TIGAR: variants seen among roughly 807,000 people sequenced by gnomAD.
The protein encoded by TIGAR is fructose-2,6-bisphosphatase TIGAR.
In TIGAR, 7 loss-of-function variants were observed where a neutral mutation model predicts 17.9. That is an observed-to-expected ratio of 0.39 (90% confidence interval 0.22 to 0.73). The LOEUF is 0.73. Among genes scored for constraint, TIGAR ranks in the 30% least tolerant of loss-of-function variants. TIGAR has a pLI of 0.42. For synonymous variants in TIGAR, 94 were observed against 108.6 expected, an observed-to-expected ratio of 0.87 and a Z score of 0.84; for missense variants, 258 against 327.4, an observed-to-expected ratio of 0.79 and a Z score of 1.64.
intron 3 of TIGAR, among the ~76,000 whole-genome samples, chr12:4,346,789 CAT>C (rs1436719350): frequency 2.6e-5 from 4 of 151,756 alleles, no homozygotes; most frequent in Admixed American, 6.6e-5. Context: ...GACAAAGAGA[CAT>C]ATGAAAAAGT....
chr12:4,357,238 T>A lies in TIGAR; in HGVS notation c.*4547T>A, dbSNP rs1321415474. On this transcript the variant is annotated 3_prime_UTR_variant, in exon 6 of 6. Coordinates refer to ENST00000179259, the MANE Select transcript of TIGAR (RefSeq NM_020375.3). ...CATGCATATTACATTTACAAGTAGA[T>A]GAATTCGTGTAAGTTAAATGGTTCT... Among the ~76,000 whole-genome samples the A allele has an allele frequency of 6.6e-6, 1 of 152,238 alleles. No homozygotes were observed. Among genetic ancestry groups the A allele is most frequent in the Non-Finnish European group, 1.5e-5 (1 of 68,038 alleles).
chr12:4,324,178 G>A (rs996598826), intron 1 of TIGAR, among the ~76,000 whole-genome samples: 1 of 152,170 alleles, frequency 6.6e-6, no homozygotes, highest in Non-Finnish European at 1.5e-5. Flanking sequence ...AACTTCTCAT[G>A]AGCTTATGGC....
intron 3 of TIGAR, among the ~76,000 whole-genome samples, chr12:4,345,225 C>T (rs1189575716): frequency 6.6e-6 from 1 of 152,172 alleles, no homozygotes. Context: ...TTCGAGCTAC[C>T]AATGACTTTC....
intron 1 of TIGAR, among the ~76,000 whole-genome samples, chr12:4,330,461 T>C (rs1224372687): frequency 6.6e-6 from 1 of 152,140 alleles, no homozygotes; most frequent in East Asian, 1.9e-4. Flanking sequence ...TAGTGGTAGG[T>C]TGGGTCAGCA....
Position 4,353,808 on chromosome 12 carries a change from TA to T in TIGAR, c.*1118del, listed in dbSNP as rs1260728359. The T allele has an allele frequency of 7.2e-6, 1 of 138,500 alleles. No homozygotes were observed. Among genetic ancestry groups the T allele is most frequent in the Admixed American group, 8.1e-5 (1 of 12,316 alleles). The allele number at this position is 138,500 out of a possible 1,614,324, so 8.6% of individuals were successfully genotyped here. ...GAGATCGCACCACTTCACTCCAGCC[TA>T]GGTGACAGAGGGGATGACAGAGGGT... On this transcript the variant is annotated 3_prime_UTR_variant, in exon 6 of 6. Coordinates refer to ENST00000179259, the MANE Select transcript of TIGAR (RefSeq NM_020375.3).
intron 3 of TIGAR, among the ~76,000 whole-genome samples, chr12:4,344,343 T>C (rs1864757518): frequency 6.6e-6 from 1 of 151,954 alleles, no homozygotes; most frequent in South Asian, 2.1e-4. Context: ...TCCCAATCAA[T>C]AGAAAAAGAG....
intron 2 of TIGAR, among the ~76,000 whole-genome samples, chr12:4,332,621 C>G (rs1409216013): frequency 6.6e-6 from 1 of 152,188 alleles, no homozygotes; most frequent in Non-Finnish European, 1.5e-5. Flanking sequence ...GGTAAGCATT[C>G]AGCACCAAGT....
At chr12:4,332,533 C>T (rs11063086) in intron 2 of TIGAR, among the ~76,000 whole-genome samples, 67,469 of 151,950 alleles carry the variant, frequency 0.44, 15,331 homozygotes, top group South Asian at 0.49. Context: ...CCTGAGCCGC[C>T]GCACGCGGCC....
chr12:4,336,978 A>T, intron 2 of TIGAR, 61 bp from the exon 3 acceptor site: 1 of 1,446,064 alleles, frequency 6.9e-7, no homozygotes, highest in Non-Finnish European at 9.3e-7. Flanking sequence ...TCTACATGTG[A>T]TTTATACATC....
chr12:4,332,268 G>A, intron 2 of TIGAR, among the ~76,000 whole-genome samples: 1 of 111,916 alleles, frequency 8.9e-6, no homozygotes, highest in East Asian at 2.8e-4. Flanking sequence ...TTTGAGTCAG[G>A]GTCTCACTGT....
chr12:4,347,311 G>C (rs1049681450), intron 3 of TIGAR, among the ~76,000 whole-genome samples: 1 of 152,120 alleles, frequency 6.6e-6, no homozygotes, highest in Admixed American at 6.5e-5. Flanking sequence ...AGACAAACTT[G>C]TCATGTTCTC....
chr12:4,351,248 A>G lies in TIGAR; in HGVS notation c.271-19A>G, dbSNP rs781451285. ...TTGCAATTTCATTTGAGAAACTGTT[A>G]TCTATTGGACTGTTTCAGAAATACG... On this transcript the variant is annotated intron_variant, in intron 4 of 5. Transcript: ENST00000179259. 12 of 1,601,080 alleles carry G rather than the reference A, an allele frequency of 7.5e-6. No individual in the cohort carries two copies. The highest frequency in any genetic ancestry group is 6.8e-5 in the Admixed American group (4 of 58,936).
chr12:4,332,679 C>CAA (rs1176433126), intron 2 of TIGAR, among the ~76,000 whole-genome samples: 6 of 152,136 alleles, frequency 3.9e-5, no homozygotes, highest in South Asian at 2.1e-4. Context: ...CTTTTGTGTT[C>CAA]TGTCAGTATG....
chr12:4,329,589 G>A (rs912397503), intron 1 of TIGAR, among the ~76,000 whole-genome samples: 1 of 151,844 alleles, frequency 6.6e-6, no homozygotes, highest in African/African-American at 2.4e-5. Context: ...TACCCACCTC[G>A]GACTCCCAAT....
At chr12:4,337,213 C>T in intron 3 of TIGAR, 53 bp downstream of exon 3, 2 of 1,424,744 alleles carry the variant, frequency 1.4e-6, no homozygotes, top group Non-Finnish European at 1.9e-6. Context: ...TATGCCCAGG[C>T]TGGAGTGCAG....
chr12:4,338,779 A>G (rs1292688722), intron 3 of TIGAR, among the ~76,000 whole-genome samples: 2 of 152,052 alleles, frequency 1.3e-5, no homozygotes, highest in East Asian at 3.9e-4. Context: ...GGAGTTCAAG[A>G]CCAGCCTGGG....
chr12:4,331,659 A>G (rs927115933), intron 2 of TIGAR, among the ~76,000 whole-genome samples: 1 of 152,248 alleles, frequency 6.6e-6, no homozygotes, highest in African/African-American at 2.4e-5. Flanking sequence ...CATGAAGTTT[A>G]CTGACTGGTG....
chr12:4,341,150 G>T (rs1864715050), intron 3 of TIGAR, among the ~76,000 whole-genome samples: 1 of 152,128 alleles, frequency 6.6e-6, no homozygotes. Context: ...TCTGACAAGG[G>T]ATTAATAACC....
At chr12:4,339,907 A>T (rs867955380) in intron 3 of TIGAR, among the ~76,000 whole-genome samples, 3 of 152,218 alleles carry the variant, frequency 2.0e-5, no homozygotes, top group Non-Finnish European at 4.4e-5. Flanking sequence ...AAAACAGTAC[A>T]GTAAAAGCCT....
Sources: allele counts gnomAD v4.1 joint callset (sites outside exome capture counted in the v4.1 genomes callset), GRCh38; gene constraint gnomAD v4.1.1; transcripts MANE v1.5; gene names NCBI Gene and HGNC (gene_info 2026-07-23, HGNC 2026-07-21).